NTNG1: variants seen among roughly 807,000 people sequenced by gnomAD.
NTNG1 encodes netrin G1.
In NTNG1, 16 loss-of-function variants were observed where a neutral mutation model predicts 54.0. The observed-to-expected ratio is 0.30, with a 90% CI of 0.20 to 0.45. NTNG1 has a LOEUF of 0.45. NTNG1 is among the 20% of genes least tolerant of loss of function. The pLI, the probability that NTNG1 is intolerant of heterozygous loss-of-function variation, is 1.00. For missense variants in NTNG1, 530 were observed against 678.7 expected (o/e 0.78, Z 2.43); for synonymous variants, 255 against 263.1 (o/e 0.97, Z 0.30).
At chr1:107,176,337 C>A (rs1209860590) in intron 2 of NTNG1, among the ~76,000 whole-genome samples, 1 of 152,112 alleles carries the variant, frequency 6.6e-6, no homozygotes, top group East Asian at 1.9e-4. Context: ...TAAAAATATG[C>A]ATTTTCATAG....
At chr1:107,268,600 T>C (rs1372272404) in intron 2 of NTNG1, among the ~76,000 whole-genome samples, 1 of 152,102 alleles carries the variant, frequency 6.6e-6, no homozygotes, top group Non-Finnish European at 1.5e-5. Flanking sequence ...GTCTCATGGC[T>C]TTAAGTGTGA....
At chr1:107,304,607 G>T (rs181984574) in intron 2 of NTNG1, among the ~76,000 whole-genome samples, 1 of 152,172 alleles carries the variant, frequency 6.6e-6, no homozygotes, top group Non-Finnish European at 1.5e-5. Flanking sequence ...CCTTGTTGCA[G>T]TTTGATTCTT....
chr1:107,325,572 ACAGT>A (rs1460152447), intron 3 of NTNG1, among the ~76,000 whole-genome samples: 1 of 152,150 alleles, frequency 6.6e-6, no homozygotes, highest in Non-Finnish European at 1.5e-5. Context: ...TTAATTAAAC[ACAGT>A]CAGGGATAGC....
chr1:107,445,263 T>G (rs1676238247), intron 7 of NTNG1, among the ~76,000 whole-genome samples: 1 of 152,126 alleles, frequency 6.6e-6, no homozygotes, highest in African/African-American at 2.4e-5. Context: ...AAAGAATGTT[T>G]GCTCAATCAT....
chr1:107,250,334 A>G (rs946628280), intron 2 of NTNG1, among the ~76,000 whole-genome samples: 3 of 152,174 alleles, frequency 2.0e-5, no homozygotes, highest in African/African-American at 7.2e-5. Flanking sequence ...GTGGTCAGGA[A>G]GTGATACACA....
chr1:107,289,157 G>A (rs1172112680), intron 2 of NTNG1, among the ~76,000 whole-genome samples: 4 of 151,984 alleles, frequency 2.6e-5, no homozygotes, highest in Non-Finnish European at 4.4e-5. Context: ...AAATTCATAC[G>A]TGCTCTGAAT....
intron 2 of NTNG1, 74 bp downstream of exon 2, chr1:107,148,913 T>C (rs1654345429): frequency 7.0e-7 from 1 of 1,424,050 alleles, no homozygotes; most frequent in Non-Finnish European, 9.6e-7. Flanking sequence ...ATGTGGTGAG[T>C]GTGAAGACAA....
At chr1:107,419,106 C>T (rs1286196793) in intron 5 of NTNG1, among the ~76,000 whole-genome samples, 23 of 151,864 alleles carry the variant, frequency 1.5e-4, no homozygotes, top group Admixed American at 1.4e-3. Context: ...TCCATATTGA[C>T]TTGCAAAAAT....
chr1:107,219,220 G>A (rs911836213), intron 2 of NTNG1, among the ~76,000 whole-genome samples: 2 of 151,132 alleles, frequency 1.3e-5, no homozygotes, highest in Non-Finnish European at 2.9e-5. Context: ...GACTTTTCAG[G>A]GCATTTTGCA....
At chr1:107,175,895 C>G (rs925696715) in intron 2 of NTNG1, among the ~76,000 whole-genome samples, 3 of 152,126 alleles carry the variant, frequency 2.0e-5, no homozygotes, top group Non-Finnish European at 4.4e-5. Context: ...TTGATTATGT[C>G]TCTGCATAGG....
intron 3 of NTNG1, among the ~76,000 whole-genome samples, chr1:107,328,378 A>G (rs1173946228): frequency 6.6e-6 from 1 of 152,164 alleles, no homozygotes; most frequent in African/African-American, 2.4e-5. Context: ...TGGAAGGTAC[A>G]TTAAAGGGCA....
chr1:107,468,511 G>A (rs1677747190), intron 7 of NTNG1, among the ~76,000 whole-genome samples: 1 of 152,034 alleles, frequency 6.6e-6, no homozygotes, highest in Non-Finnish European at 1.5e-5. Flanking sequence ...CACTGTATGG[G>A]GTTGGAAAGA....
At chr1:107,293,618 T>C (rs1665758821) in intron 2 of NTNG1, among the ~76,000 whole-genome samples, 1 of 152,222 alleles carries the variant, frequency 6.6e-6, no homozygotes, top group African/African-American at 2.4e-5. Context: ...TCTGTCACCA[T>C]CTATTCTGCC....
intron 7 of NTNG1, among the ~76,000 whole-genome samples, chr1:107,439,731 C>T (rs919222473): frequency 1.3e-5 from 2 of 152,000 alleles, no homozygotes; most frequent in Non-Finnish European, 2.9e-5. Flanking sequence ...TCCTGAAGTG[C>T]CTTCCCCTGG....
intron 3 of NTNG1, among the ~76,000 whole-genome samples, chr1:107,358,898 T>C (rs1670099879): frequency 6.6e-6 from 1 of 152,222 alleles, no homozygotes; most frequent in Admixed American, 6.5e-5. Flanking sequence ...GTTTTCTCTG[T>C]TAATTCTAGA....
At chr1:107,353,145 C>G (rs1669728522) in intron 3 of NTNG1, among the ~76,000 whole-genome samples, 1 of 152,138 alleles carries the variant, frequency 6.6e-6, no homozygotes, top group Non-Finnish European at 1.5e-5. Context: ...CCTGCTTGAT[C>G]CTCTCCTAAA....
At chr1:107,339,165 G>A (rs945166623) in intron 3 of NTNG1, among the ~76,000 whole-genome samples, 3 of 151,992 alleles carry the variant, frequency 2.0e-5, no homozygotes, top group Admixed American at 6.6e-5. Flanking sequence ...CTGGTTCAAA[G>A]CTAGGCCTCC....
chr1:107,447,188 C>A (rs1044541697), intron 7 of NTNG1, among the ~76,000 whole-genome samples: 1 of 151,936 alleles, frequency 6.6e-6, no homozygotes, highest in African/African-American at 2.4e-5. Flanking sequence ...TACATTTAGG[C>A]CTCTTTTTAA....
At chr1:107,382,183 A>C (rs1671687679) in intron 3 of NTNG1, among the ~76,000 whole-genome samples, 1 of 152,194 alleles carries the variant, frequency 6.6e-6, no homozygotes, top group Admixed American at 6.5e-5. Context: ...GGAAGAAGGT[A>C]TTGGGGTGTG....
Sources: gnomAD v4.1 joint callset for allele counts (sites outside exome capture counted in the v4.1 genomes callset) on GRCh38, gnomAD v4.1.1 for gene constraint, MANE v1.5 for transcripts, NCBI Gene and HGNC (gene_info 2026-07-23, HGNC 2026-07-21) for gene names.